ATP8B4: variants seen among roughly 807,000 people sequenced by gnomAD.
The protein encoded by ATP8B4 is probable phospholipid-transporting ATPase IM.
Under a neutral mutation model 145.6 loss-of-function variants are expected in ATP8B4, and 133 were observed. The observed-to-expected ratio is 0.91, with a 90% CI of 0.79 to 1.05. The LOEUF is 1.05. Ranked by LOEUF, ATP8B4 falls within the 50% of genes least tolerant of loss-of-function variation. ATP8B4 has a pLI of 0.00. For synonymous variants in ATP8B4, 507 were observed against 492.9 expected, an observed-to-expected ratio of 1.03 and a Z score of -0.38; for missense variants, 1,458 against 1,425.2, an observed-to-expected ratio of 1.02 and a Z score of -0.37.
upstream of ATP8B4, among the ~76,000 whole-genome samples, chr15:50,123,341 C>G: frequency 6.6e-6 from 1 of 152,206 alleles, no homozygotes. Flanking sequence ...CTTCCCCAAA[C>G]AAACCCCCTT....
intron 6 of ATP8B4, among the ~76,000 whole-genome samples, chr15:50,026,813 G>A (rs930256832): frequency 6.6e-6 from 1 of 152,130 alleles, no homozygotes; most frequent in Non-Finnish European, 1.5e-5. Flanking sequence ...TCACTGCTGT[G>A]TTGCCCAAGA....
rs1402747942 is a variant in ATP8B4 at position 50,144,599 on chromosome 15, G to A, written c.-42-37591C>T. On this transcript the variant is annotated intron_variant, in intron 1 of 3. Coordinates refer to the ATP8B4 transcript ENST00000558829. ...GCATGGGGGCATTACCTCCCACCAA[G>A]TCCCTCCCTTGACACATGAGGATTA... Among the ~76,000 whole-genome samples the A allele has an allele frequency of 2.0e-5, 3 of 152,144 alleles. No homozygotes were observed. In the East Asian group the frequency reaches 5.8e-4, roughly 29 times the overall value.
chr15:50,085,373 C>A (rs760300505), intron 2 of ATP8B4, among the ~76,000 whole-genome samples: 5 of 152,144 alleles, frequency 3.3e-5, no homozygotes, highest in Non-Finnish European at 7.3e-5. Flanking sequence ...TCAGATGGTG[C>A]TGCTCGGAAC....
Position 50,002,194 on chromosome 15 carries a change from C to T in ATP8B4, c.465G>A (p.Glu155=), listed in dbSNP as rs1178730597. The T allele has an allele frequency of 1.9e-6, 3 of 1,610,876 alleles. No individual in the cohort carries two copies. The highest frequency in any genetic ancestry group is 3.3e-5 in the Admixed American group (2 of 59,844). The change falls in exon 8 of 28, where the codon GAG becomes GAA. Residue 155 remains glutamate (E), a synonymous_variant. Coordinates refer to ENST00000284509, the MANE Select transcript of ATP8B4 (RefSeq NM_024837.4). ...TTTCAACATAACAGAGACCATGTGGCTCACTACTTGATAGGAGAAGTAAAT... is the reference window on the plus strand; with the variant it reads ...TTTCAACATAACAGAGACCATGTGGTTCACTACTTGATAGGAGAAGTAAAT... ...AADLLLLSSS[E]PHGLCYVETA...
At chr15:50,073,751 A>C (rs926516299) in intron 3 of ATP8B4, among the ~76,000 whole-genome samples, 4 of 152,080 alleles carry the variant, frequency 2.6e-5, no homozygotes, top group Non-Finnish European at 5.9e-5. Flanking sequence ...AAATCCCTCA[A>C]ATGCCATTCA....
chr15:49,865,790 A>G (rs1026343973), intron 26 of ATP8B4, among the ~76,000 whole-genome samples: 1 of 152,158 alleles, frequency 6.6e-6, no homozygotes, highest in African/African-American at 2.4e-5. Flanking sequence ...AACTTGCCCA[A>G]AGTCACACAG....
rs2031634541 is a variant in ATP8B4, at chr15:49,861,173, C to G, written c.3298-698G>C. The stretch of plus-strand genomic sequence containing the variant: ...GTTTGGCAAATCACTTGGATCCTGA[C>G]TTTTGTGTCAGGAGAAAACCATCAA... On this transcript the variant is annotated intron_variant, in intron 27 of 27. Transcript: ENST00000284509. 2.0e-5 allele frequency among the ~76,000 whole-genome samples: 3 copies of G among 152,206 alleles called. 1 individual carries two copies. In the South Asian group the frequency reaches 6.2e-4, roughly 32 times the overall value.
chr15:49,915,383 T>C (rs1235141525), intron 20 of ATP8B4, among the ~76,000 whole-genome samples: 1 of 152,136 alleles, frequency 6.6e-6, no homozygotes, highest in Non-Finnish European at 1.5e-5. Context: ...GAATAAATTA[T>C]AAAGTTCAAC....
At chr15:50,153,790 T>C (rs1295494046) in intron 1 of ATP8B4, among the ~76,000 whole-genome samples, 2 of 152,192 alleles carry the variant, frequency 1.3e-5, no homozygotes, top group Non-Finnish European at 2.9e-5. Context: ...TCATTCTGAT[T>C]GAAAAAGACA....
intron 1 of ATP8B4, among the ~76,000 whole-genome samples, chr15:50,109,128 T>C (rs1487873765): frequency 1.3e-5 from 2 of 152,124 alleles, no homozygotes; most frequent in African/African-American, 4.8e-5. Context: ...ATCTTCAGCC[T>C]GGGAAGAACC....
chr15:49,876,761 C>CA, intron 24 of ATP8B4: 1 of 673,940 alleles, frequency 1.5e-6, no homozygotes, highest in Admixed American at 2.1e-5. Context: ...TGAGAGGTCA[C>CA]ACAGCTCGTA....
intron 6 of ATP8B4, among the ~76,000 whole-genome samples, chr15:50,017,696 T>C (rs1434885355): frequency 1.3e-5 from 2 of 152,208 alleles, no homozygotes; most frequent in East Asian, 1.9e-4. Flanking sequence ...TGTCAACTAA[T>C]AATACAAGCC....
intron 10 of ATP8B4, among the ~76,000 whole-genome samples, chr15:49,985,818 C>T (rs1357162893): frequency 2.6e-5 from 4 of 152,038 alleles, no homozygotes; most frequent in Middle Eastern, 3.2e-3. Flanking sequence ...CATCCTTTTC[C>T]GTATGCATTA....
chr15:50,145,667 T>A (rs1482153346), intron 1 of ATP8B4, among the ~76,000 whole-genome samples: 1 of 152,142 alleles, frequency 6.6e-6, no homozygotes, highest in Non-Finnish European at 1.5e-5. Context: ...TCACCATGTC[T>A]TTTTTTCTTT....
intron 14 of ATP8B4, among the ~76,000 whole-genome samples, chr15:49,958,816 G>C (rs1015126777): frequency 6.6e-6 from 1 of 151,902 alleles, no homozygotes; most frequent in African/African-American, 2.4e-5. Flanking sequence ...AGACAAGACT[G>C]TAAGAACATT....
At chr15:50,169,518 A>T (rs1567416834) in intron 1 of ATP8B4, among the ~76,000 whole-genome samples, 1 of 152,200 alleles carries the variant, frequency 6.6e-6, no homozygotes, top group African/African-American at 2.4e-5. Context: ...GGGACAAAAA[A>T]TTCTGAACAA....
chr15:49,967,649 T>G (rs1284225225), intron 13 of ATP8B4, among the ~76,000 whole-genome samples: 1 of 152,208 alleles, frequency 6.6e-6, no homozygotes, highest in East Asian at 1.9e-4. Flanking sequence ...TACGTTTCAT[T>G]GGTGTACCTG....
At chr15:50,104,742 G>A (rs1399643505) in intron 2 of ATP8B4, among the ~76,000 whole-genome samples, 1 of 151,974 alleles carries the variant, frequency 6.6e-6, no homozygotes. Context: ...CAGAGGAAGA[G>A]AAGTCATTAT....
At chr15:50,113,895 G>T (rs2057069234) in intron 1 of ATP8B4, among the ~76,000 whole-genome samples, 1 of 145,290 alleles carries the variant, frequency 6.9e-6, no homozygotes, top group South Asian at 2.2e-4. Context: ...TGCAACTACA[G>T]GTATATGCAA....
Sources: gnomAD v4.1 joint callset for allele counts (sites outside exome capture counted in the v4.1 genomes callset) on GRCh38, gnomAD v4.1.1 for gene constraint, MANE v1.5 for transcripts, NCBI Gene and HGNC (gene_info 2026-07-23, HGNC 2026-07-21) for gene names.